Variants in RUNX1 observed in about 807,000 individuals in gnomAD.
The protein encoded by RUNX1 is runt-related transcription factor 1.
RUNX1 carries 19 observed loss-of-function variants against 42.8 expected under a neutral mutation model. The observed-to-expected ratio is 0.44, with a 90% CI of 0.31 to 0.65. RUNX1 has a LOEUF of 0.65. RUNX1 is among the 30% of genes least tolerant of loss of function. The pLI, the probability that RUNX1 is intolerant of heterozygous loss-of-function variation, is 0.07. For missense variants in RUNX1, 528 were observed against 672.0 expected (o/e 0.79, Z 2.37); for synonymous variants, 271 against 289.4 (o/e 0.94, Z 0.64).
rs938065676 is a variant in RUNX1, at chr21:34,859,529, G to C, written c.558C>G (p.Val186=). The change falls in exon 6 of 9, where the codon GTC becomes GTG. Residue 186 remains valine (V), a synonymous_variant. Coordinates refer to ENST00000675419, the MANE Select transcript of RUNX1 (RefSeq NM_001754.5). ...TTTTGATGGCTCTGTGGTAGGTGGC[G>C]ACTTGCGGTGGGTTTGTGAAGACAG... is the stretch of plus-strand genomic sequence containing the variant. ...TITVFTNPPQ[V]ATYHRAIKIT... 1.9e-6 allele frequency: 3 copies of C among 1,614,190 alleles called. No homozygotes were observed. The highest frequency in any genetic ancestry group is 1.7e-5 in the Admixed American group (1 of 60,034).
At chr21:34,899,785 C>A (rs1245503534) in intron 2 of RUNX1, among the ~76,000 whole-genome samples, 1 of 152,212 alleles carries the variant, frequency 6.6e-6, no homozygotes, top group African/African-American at 2.4e-5. Flanking sequence ...CAGCAGCTTG[C>A]AAGATGGTCA....
intron 2 of RUNX1, among the ~76,000 whole-genome samples, chr21:35,047,377 G>A (rs973312897): frequency 2.6e-5 from 4 of 152,042 alleles, no homozygotes; most frequent in Non-Finnish European, 4.4e-5. Flanking sequence ...ACTAACGCAC[G>A]TCTGCATGAT....
At chr21:34,852,339 C>T (rs1023819569) in intron 6 of RUNX1, among the ~76,000 whole-genome samples, 3 of 152,168 alleles carry the variant, frequency 2.0e-5, no homozygotes, top group South Asian at 4.1e-4. Context: ...ATTCCCTTCA[C>T]GGTCCTCTTA....
At chr21:34,794,703 G>A (rs759535051) in intron 8 of RUNX1, among the ~76,000 whole-genome samples, 18 of 152,154 alleles carry the variant, frequency 1.2e-4, no homozygotes, top group Non-Finnish European at 2.2e-4. Flanking sequence ...GAGGATTTGT[G>A]TATTAGGCAG....
intron 2 of RUNX1, among the ~76,000 whole-genome samples, chr21:34,946,142 C>T (rs1445995767): frequency 6.6e-6 from 1 of 152,208 alleles, no homozygotes. Context: ...AATTCCCTCT[C>T]TGAACTGCTC....
intron 2 of RUNX1, among the ~76,000 whole-genome samples, chr21:34,965,545 G>A (rs933475076): frequency 2.6e-5 from 4 of 152,066 alleles, no homozygotes; most frequent in Admixed American, 6.6e-5. Context: ...GAGAAAAAAA[G>A]CTTTTCCCAT....
intron 2 of RUNX1, among the ~76,000 whole-genome samples, chr21:34,956,938 A>G (rs899030561): frequency 6.6e-6 from 1 of 152,220 alleles, no homozygotes; most frequent in Non-Finnish European, 1.5e-5. Context: ...GCAAAGAATG[A>G]GCTTAAAAAT....
At chr21:34,892,217 G>A (rs1324334941) in intron 3 of RUNX1, among the ~76,000 whole-genome samples, 2 of 152,110 alleles carry the variant, frequency 1.3e-5, no homozygotes, top group East Asian at 1.9e-4. Flanking sequence ...GATGTCACAG[G>A]GATGGAAAAC....
intron 2 of RUNX1, among the ~76,000 whole-genome samples, chr21:34,924,485 G>A (rs1209569395): frequency 2.6e-5 from 4 of 152,112 alleles, no homozygotes; most frequent in African/African-American, 9.7e-5. Context: ...CTGTGGCTGT[G>A]GTGTGTTGGT....
At chr21:34,834,384 G>A (rs1306535143) in intron 7 of RUNX1, 26 bp downstream of exon 7, 2 of 1,609,358 alleles carry the variant, frequency 1.2e-6, no homozygotes, top group Non-Finnish European at 8.5e-7. Flanking sequence ...AGGAGAGGCG[G>A]GCAGTGGGCT....
At chr21:34,838,270 A>G (rs376114152) in intron 6 of RUNX1, among the ~76,000 whole-genome samples, 4 of 152,328 alleles carry the variant, frequency 2.6e-5, no homozygotes, top group South Asian at 4.1e-4. Context: ...AAGAAACCAG[A>G]TAAGGTTAAA....
intron 2 of RUNX1, among the ~76,000 whole-genome samples, chr21:35,012,521 C>T (rs532822769): frequency 3.3e-5 from 5 of 152,200 alleles, no homozygotes; most frequent in African/African-American, 7.2e-5. Context: ...AAGGCAAGAT[C>T]GACTTGAATG....
At chr21:35,019,426 T>C (rs1337782243) in intron 2 of RUNX1, among the ~76,000 whole-genome samples, 1 of 152,196 alleles carries the variant, frequency 6.6e-6, no homozygotes, top group African/African-American at 2.4e-5. Context: ...GTCCTCAAAC[T>C]GCTGGGAGAC....
At chr21:34,814,039 T>C (rs1338073773) in intron 7 of RUNX1, among the ~76,000 whole-genome samples, 1 of 152,088 alleles carries the variant, frequency 6.6e-6, no homozygotes, top group Non-Finnish European at 1.5e-5. Context: ...AAGACCTAGC[T>C]AAACCTCAAA....
intron 2 of RUNX1, among the ~76,000 whole-genome samples, chr21:35,029,846 A>G (rs1350006414): frequency 6.6e-6 from 1 of 152,172 alleles, no homozygotes; most frequent in Admixed American, 6.5e-5. Context: ...GATCCTGGTA[A>G]TAGTACGAGG....
chr21:34,946,481 T>C (rs1198327603), intron 2 of RUNX1, among the ~76,000 whole-genome samples: 2 of 152,166 alleles, frequency 1.3e-5, no homozygotes, highest in African/African-American at 2.4e-5. Context: ...TCTGTTGACA[T>C]AGTCTCCAGG....
chr21:34,877,206 C>A (rs150758176), intron 5 of RUNX1, among the ~76,000 whole-genome samples: 1 of 152,264 alleles, frequency 6.6e-6, no homozygotes, highest in African/African-American at 2.4e-5. Context: ...AGCCATGATA[C>A]ACTTTCTTGT....
At chr21:35,045,574 T>C (rs980602851) in intron 2 of RUNX1, among the ~76,000 whole-genome samples, 1 of 152,096 alleles carries the variant, frequency 6.6e-6, no homozygotes, top group Non-Finnish European at 1.5e-5. Context: ...AGAAGGGAGC[T>C]GTCTGCAAAA....
Position 34,792,675 on chromosome 21 carries a change from C to T in RUNX1, c.968-65G>A. The T allele has an allele frequency of 1.4e-6, 2 of 1,452,970 alleles. No homozygotes were observed. The highest frequency in any genetic ancestry group is 1.9e-6 in the Non-Finnish European group (2 of 1,078,650). 90.0% of individuals were successfully genotyped at this position (1,452,970 alleles called of 1,614,324 possible). A position where few individuals can be genotyped will look rare whatever the true frequency, so the allele number is the denominator to read the frequency against. The stretch of plus-strand genomic sequence containing the variant: ...AGGTTGCGGAGGCCACAGCTCTTCC[C>T]TCTGCCCCAGGGGGCTACCCAGGAT... On this transcript the variant is annotated intron_variant, in intron 8 of 8. Transcript: ENST00000675419. The surrounding 1 kb of genome is among the most constrained non-coding windows in gnomAD (Gnocchi z 6.9).
Sources: allele counts gnomAD v4.1 joint callset (sites outside exome capture counted in the v4.1 genomes callset), GRCh38; gene constraint gnomAD v4.1.1; non-coding constraint Gnocchi (gnomAD v3.1); transcripts MANE v1.5; gene names NCBI Gene and HGNC (gene_info 2026-07-23, HGNC 2026-07-21).